The following NR2C1 variants were observed in gnomAD, a reference collection of about 807,000 sequenced individuals.
NR2C1 encodes the protein nuclear receptor subfamily 2 group C member 1.
In NR2C1, 33 loss-of-function variants were observed where a neutral mutation model predicts 74.8. The ratio of observed to expected loss-of-function variants is 0.44; its 90% CI spans 0.33 to 0.59. The LOEUF is 0.59. NR2C1 is among the 20% of genes least tolerant of loss of function. NR2C1 has a pLI of 0.02. For missense variants in NR2C1, 568 were observed against 715.6 expected (o/e 0.79, Z 2.35); for synonymous variants, 225 against 240.6 (o/e 0.94, Z 0.60).
chr12:95,052,008 C>A, intron 7 of NR2C1, 65 bp from the exon 8 acceptor site: 3 of 1,053,614 alleles, frequency 2.8e-6, no homozygotes, highest in African/African-American at 1.6e-5. Context: ...TCTGAAATAT[C>A]CAATTATAGA....
intron 7 of NR2C1, among the ~76,000 whole-genome samples, chr12:95,052,692 A>G (rs1278819695): frequency 6.6e-6 from 1 of 151,308 alleles, no homozygotes; most frequent in Non-Finnish European, 1.5e-5. Flanking sequence ...GTATCAAGTG[A>G]TCCTCCCTGC....
At chr12:95,027,833 C>CA (rs34769670) in intron 12 of NR2C1, among the ~76,000 whole-genome samples, 2 of 151,822 alleles carry the variant, frequency 1.3e-5, no homozygotes, top group East Asian at 1.9e-4. Context: ...TTTGTCACTC[C>CA]AAAAAAAACA....
At chr12:95,066,088 A>G (rs2136199611) in intron 2 of NR2C1, among the ~76,000 whole-genome samples, 1 of 152,378 alleles carries the variant, frequency 6.6e-6, no homozygotes, top group East Asian at 1.9e-4. Flanking sequence ...CAAACAAACA[A>G]AAATGTAGTG....
chr12:95,064,318 G>A (rs1383272458), intron 2 of NR2C1, among the ~76,000 whole-genome samples: 2 of 123,478 alleles, frequency 1.6e-5, no homozygotes, highest in Non-Finnish European at 3.3e-5. Flanking sequence ...GACACAGTGA[G>A]AGTCTGTCTC....
chr12:95,058,004 C>A, intron 5 of NR2C1, 126 bp from the exon 6 acceptor site: 2 of 853,734 alleles, frequency 2.3e-6, no homozygotes, highest in South Asian at 1.9e-5. Flanking sequence ...CCAAAGATAA[C>A]CATCAATCTT....
intron 10 of NR2C1, among the ~76,000 whole-genome samples, chr12:95,032,470 G>GA (rs1382341182): frequency 3.4e-4 from 47 of 138,312 alleles, no homozygotes; most frequent in East Asian, 1.2e-3. Flanking sequence ...AAAAAAAAAG[G>GA]AAAAAAAAAA....
intron 10 of NR2C1, among the ~76,000 whole-genome samples, chr12:95,036,531 A>T (rs551148573): frequency 6.7e-5 from 10 of 148,946 alleles, no homozygotes; most frequent in African/African-American, 2.2e-4. Flanking sequence ...TTTTTTTTGA[A>T]GGAGAGTCTC....
At chr12:95,072,391 T>G (rs922209799) in intron 1 of NR2C1, among the ~76,000 whole-genome samples, 2 of 144,682 alleles carry the variant, frequency 1.4e-5, no homozygotes, top group Non-Finnish European at 3.0e-5. Context: ...AGGCGGAGGT[T>G]GCAGTGAGCC....
chr12:95,031,363 T>C lies in NR2C1; in HGVS notation c.1379A>G (p.Asn460Ser), dbSNP rs1476204631. The change falls in exon 11 of 14, where the codon AAT (asparagine) becomes AGT (serine). Residue 460 changes from asparagine to serine, a missense_variant. Physicochemically the swap from Asn to Ser is conservative, Grantham distance 46. Transcript: ENST00000333003. ...GTGCTTTTTACCTTGTTGAAGACTA[T>C]TGTGAAGACAATTGACAAATGTTGC... The part of the protein sequence containing the change: ...ILATFVNCLH[N>S]SLQQDKMSTE... 6.2e-6 allele frequency: 10 copies of C among 1,601,490 alleles called. No homozygotes were observed. The highest frequency in any genetic ancestry group is 4.0e-5 in the African/African-American group (3 of 74,216).
Position 95,062,554 on chromosome 12 carries a change from T to C in NR2C1, c.239A>G (p.Asn80Ser), listed in dbSNP as rs1188821349. The change falls in exon 3 of 14, where the codon AAC (asparagine) becomes AGC (serine). Residue 80 changes from asparagine (N) to serine (S), a missense_variant. Physicochemically the swap from Asn to Ser is conservative, Grantham distance 46. Coordinates refer to ENST00000333003, the MANE Select transcript of NR2C1 (RefSeq NM_003297.4). ...FLTTPDAAGVNQLFFTTPDLS... is the reference protein window; with the variant it reads ...FLTTPDAAGVSQLFFTTPDLS... The stretch of plus-strand genomic sequence containing the variant: ...ATCAGGAGTGGTAAAAAATAACTGG[T>C]TGACACCTGCTGCATCTGGAGTTGT... 1.2e-5 allele frequency: 19 copies of C among 1,613,076 alleles called. No individual in the cohort carries two copies. The highest frequency in any genetic ancestry group is 2.2e-5 in the South Asian group (2 of 90,950).
intron 7 of NR2C1, among the ~76,000 whole-genome samples, chr12:95,056,740 C>T (rs746112953): frequency 1.3e-5 from 2 of 152,102 alleles, no homozygotes; most frequent in Non-Finnish European, 2.9e-5. Flanking sequence ...GGGTGGATCA[C>T]GAGGTCAGGC....
chr12:95,030,646 G>A (rs1254997417), intron 11 of NR2C1: 5 of 1,610,630 alleles, frequency 3.1e-6, no homozygotes, highest in Non-Finnish European at 4.2e-6. Flanking sequence ...AACATAAGGA[G>A]GAAGCAAATG....
chr12:95,030,194 T>C (rs1036355700), intron 11 of NR2C1, among the ~76,000 whole-genome samples: 14 of 152,184 alleles, frequency 9.2e-5, no homozygotes, highest in African/African-American at 1.9e-4. Flanking sequence ...TTTCAAGATA[T>C]ACCTTTGAGA....
chr12:95,060,001 AAAAAAAG>A lies in NR2C1; in HGVS notation c.286-24_286-18del. 1 of 1,548,094 alleles carries A rather than the reference AAAAAAAG, an allele frequency of 6.5e-7. No homozygotes were observed. Among genetic ancestry groups the A allele is most frequent in the Non-Finnish European group, 8.7e-7 (1 of 1,155,944 alleles). On this transcript the variant is annotated intron_variant, in intron 3 of 13. Coordinates refer to ENST00000333003, the MANE Select transcript of NR2C1 (RefSeq NM_003297.4). ...TGTTAGGAGCTAAAAAAAAAAAAAAAAAAAAAGAAAACAAAAACGAAAACCTGTTGTT... is the reference window on the plus strand; with the variant it reads ...TGTTAGGAGCTAAAAAAAAAAAAAAAAAAACAAAAACGAAAACCTGTTGTT...
chr12:95,057,953 C>T, intron 5 of NR2C1, 75 bp from the exon 6 acceptor site: 2 of 1,241,108 alleles, frequency 1.6e-6, no homozygotes, highest in Non-Finnish European at 2.3e-6. Flanking sequence ...TGTAGGTAAG[C>T]TTAATGCTGC....
intron 9 of NR2C1, among the ~76,000 whole-genome samples, chr12:95,042,143 T>C (rs578047480): frequency 2.3e-4 from 35 of 151,948 alleles, no homozygotes; most frequent in Non-Finnish European, 4.7e-4. Flanking sequence ...TACCTCTGGG[T>C]GGGGTAGGTA....
At chr12:95,072,588 G>C (rs1876868303) in intron 1 of NR2C1, 1 of 152,062 alleles carries the variant, frequency 6.6e-6, no homozygotes, top group Non-Finnish European at 1.5e-5. Context: ...CGTAATTTTA[G>C]GTCTTTCTGC....
intron 1 of NR2C1, among the ~76,000 whole-genome samples, chr12:95,070,106 G>GT (rs1876370415): frequency 6.6e-6 from 1 of 151,708 alleles, no homozygotes; most frequent in Admixed American, 6.6e-5. Context: ...CAATACAAAA[G>GT]TAAAATTTAC....
chr12:95,030,535 G>T (rs896072121), intron 11 of NR2C1: 1 of 1,607,426 alleles, frequency 6.2e-7, no homozygotes, highest in Non-Finnish European at 8.5e-7. Context: ...TATAAGACAT[G>T]AACCAGGGGT....
Sources: allele counts gnomAD v4.1 joint callset (sites outside exome capture counted in the v4.1 genomes callset), GRCh38; gene constraint gnomAD v4.1.1; transcripts MANE v1.5; gene names NCBI Gene and HGNC (gene_info 2026-07-23, HGNC 2026-07-21).